Variants in ST6GALNAC3 observed in about 807,000 individuals in gnomAD.
ST6GALNAC3 encodes the protein ST6 N-acetylgalactosaminide alpha-2,6-sialyltransferase 3, also known as alpha-N-acetylgalactosaminide alpha-2,6-sialyltransferase 3.
Under a neutral mutation model 32.7 loss-of-function variants are expected in ST6GALNAC3, and 25 were observed. The observed-to-expected ratio is 0.76, with a 90% CI of 0.56 to 1.07. ST6GALNAC3 has a LOEUF of 1.07. Among genes scored for constraint, ST6GALNAC3 ranks in the 50% least tolerant of loss-of-function variants. ST6GALNAC3 has a pLI of 0.00. For missense variants in ST6GALNAC3, 355 were observed against 382.4 expected (o/e 0.93, Z 0.60); for synonymous variants, 129 against 133.1 (o/e 0.97, Z 0.21).
intron 2 of ST6GALNAC3, among the ~76,000 whole-genome samples, chr1:76,410,193 C>T (rs1376689907): frequency 6.6e-6 from 1 of 152,172 alleles, no homozygotes; most frequent in Non-Finnish European, 1.5e-5. Context: ...GATTTCTCCC[C>T]TGCTATCTGT....
chr1:76,622,032 A>AG (rs1295094617), intron 3 of ST6GALNAC3, among the ~76,000 whole-genome samples: 1 of 152,012 alleles, frequency 6.6e-6, no homozygotes, highest in Non-Finnish European at 1.5e-5. Context: ...CATTATTGGA[A>AG]GGGGGGTCTT....
intron 1 of ST6GALNAC3, among the ~76,000 whole-genome samples, chr1:76,133,081 G>A (rs1189077477): frequency 6.6e-6 from 1 of 152,078 alleles, no homozygotes; most frequent in East Asian, 1.9e-4. Flanking sequence ...TATAGTAGGG[G>A]GATGGGTTGT....
intron 3 of ST6GALNAC3, among the ~76,000 whole-genome samples, chr1:76,466,583 CA>C (rs1658646444): frequency 1.3e-5 from 2 of 152,180 alleles, no homozygotes; most frequent in South Asian, 4.1e-4. Context: ...GGCAATACAT[CA>C]AGTGTTAATA....
intron 2 of ST6GALNAC3, among the ~76,000 whole-genome samples, chr1:76,408,794 G>T (rs1299494652): frequency 6.6e-6 from 1 of 151,892 alleles, no homozygotes; most frequent in African/African-American, 2.4e-5. Flanking sequence ...ATTTGTGGAG[G>T]CTATACCCCA....
At chr1:76,281,125 G>A (rs549730683) in intron 1 of ST6GALNAC3, among the ~76,000 whole-genome samples, 4 of 152,288 alleles carry the variant, frequency 2.6e-5, no homozygotes, top group East Asian at 3.9e-4. Context: ...ATAGTAAGTA[G>A]CAGAGCCACT....
intron 1 of ST6GALNAC3, among the ~76,000 whole-genome samples, chr1:76,257,457 G>T (rs1221002084): frequency 6.6e-6 from 1 of 152,076 alleles, no homozygotes; most frequent in Non-Finnish European, 1.5e-5. Flanking sequence ...GTGGAATCCA[G>T]GCATCTACAT....
chr1:76,163,304 G>C (rs556410975), intron 1 of ST6GALNAC3, among the ~76,000 whole-genome samples: 1 of 152,328 alleles, frequency 6.6e-6, no homozygotes, highest in South Asian at 2.1e-4. Context: ...TTTGTATTAT[G>C]AGTCTCCAGA....
At chr1:76,309,797 A>C (rs1199012478) in intron 1 of ST6GALNAC3, among the ~76,000 whole-genome samples, 1 of 152,044 alleles carries the variant, frequency 6.6e-6, no homozygotes, top group African/African-American at 2.4e-5. Context: ...CACAGAGGAG[A>C]GGGTGTCTGG....
chr1:76,083,915 G>A (rs1024553553), intron 1 of ST6GALNAC3, among the ~76,000 whole-genome samples: 14 of 152,134 alleles, frequency 9.2e-5, no homozygotes, highest in Admixed American at 4.6e-4. Context: ...AGGTTCACTC[G>A]TCTAAGTTGA....
At chr1:76,430,179 C>T (rs1024111048) in intron 3 of ST6GALNAC3, among the ~76,000 whole-genome samples, 1 of 152,164 alleles carries the variant, frequency 6.6e-6, no homozygotes, top group African/African-American at 2.4e-5. Flanking sequence ...CTCTCATTGT[C>T]TCAGGTCTAG....
intron 1 of ST6GALNAC3, among the ~76,000 whole-genome samples, chr1:76,280,175 C>G (rs1659418750): frequency 6.6e-6 from 1 of 152,096 alleles, no homozygotes; most frequent in Non-Finnish European, 1.5e-5. Context: ...TCCAACCCAC[C>G]CTTTGCTATG....
At chr1:76,523,582 A>G (rs1399639376) in intron 3 of ST6GALNAC3, among the ~76,000 whole-genome samples, 1 of 152,156 alleles carries the variant, frequency 6.6e-6, no homozygotes, top group African/African-American at 2.4e-5. Context: ...GATTCAGTCT[A>G]TCTTTGGTTT....
chr1:76,281,087 G>T (rs1414484), intron 1 of ST6GALNAC3, among the ~76,000 whole-genome samples: 17,057 of 152,090 alleles, frequency 0.11, 1,355 homozygotes, highest in East Asian at 0.31. Flanking sequence ...AGCAAAGGAG[G>T]TTTAATAACT....
At position 76,400,419 on chromosome 1, in the gene ST6GALNAC3, A is replaced by G. The variant is rs182626505; in HGVS notation, c.214-11589A>G. ...TTGTAAGTTTCTGAACACCATTTTT[A>G]CTTGAAATATAACAGCCAACAGACA... On this transcript the variant is annotated intron_variant, in intron 2 of 4. Coordinates refer to ENST00000328299, the MANE Select transcript of ST6GALNAC3 (RefSeq NM_152996.4). 1.9e-3 allele frequency among the ~76,000 whole-genome samples: 285 copies of G among 152,244 alleles called. 1 individual carries two copies. Among genetic ancestry groups the G allele is most frequent in the African/African-American group, 6.3e-3 (263 of 41,544 alleles).
chr1:76,273,560 CAAGTT>C (rs952864203), intron 1 of ST6GALNAC3, among the ~76,000 whole-genome samples: 1 of 151,798 alleles, frequency 6.6e-6, no homozygotes, highest in Non-Finnish European at 1.5e-5. Context: ...TCAAAGAAGA[CAAGTT>C]AAACTAAAAT....
chr1:76,603,951 G>A (rs1161693659), intron 3 of ST6GALNAC3, among the ~76,000 whole-genome samples: 1 of 152,140 alleles, frequency 6.6e-6, no homozygotes, highest in Non-Finnish European at 1.5e-5. Flanking sequence ...AAAGGGGAAT[G>A]AAAAGCCAAG....
intron 1 of ST6GALNAC3, among the ~76,000 whole-genome samples, chr1:76,277,905 T>G (rs1258520246): frequency 6.6e-6 from 1 of 152,124 alleles, no homozygotes; most frequent in Non-Finnish European, 1.5e-5. Flanking sequence ...ACATTTACAA[T>G]GAGCTTTAAG....
rs80065726 is a variant in ST6GALNAC3, at chr1:76,570,767, T to C, written c.624-56685T>C. ...GGGGGACACCACTCTGGTTGTTCTT[T>C]CTTCATTTCCTTTCTTGGATCTCCT... On this transcript the variant is annotated intron_variant, in intron 3 of 4. Coordinates refer to ENST00000328299, the MANE Select transcript of ST6GALNAC3 (RefSeq NM_152996.4). Among the ~76,000 whole-genome samples, 359 of 152,174 alleles carry C rather than the reference T, an allele frequency of 2.4e-3. 1 individual carries two copies. The highest frequency in any genetic ancestry group is 8.3e-3 in the African/African-American group (343 of 41,570).
At chr1:76,204,597 G>A (rs548441028) in intron 1 of ST6GALNAC3, among the ~76,000 whole-genome samples, 9 of 152,174 alleles carry the variant, frequency 5.9e-5, no homozygotes, top group Non-Finnish European at 8.8e-5. Context: ...ATATCCAGAA[G>A]CAGTGTTTCT....
Sources: allele counts gnomAD v4.1 joint callset (sites outside exome capture counted in the v4.1 genomes callset), GRCh38; gene constraint gnomAD v4.1.1; transcripts MANE v1.5; gene names NCBI Gene and HGNC (gene_info 2026-07-23, HGNC 2026-07-21).